CACNG5: variants seen among roughly 807,000 people sequenced by gnomAD.
The protein encoded by CACNG5 is calcium voltage-gated channel auxiliary subunit gamma 5.
A neutral mutation model predicts 24.8 loss-of-function variants in CACNG5; 18 were observed. The observed-to-expected ratio is 0.73, with a 90% CI of 0.50 to 1.08. CACNG5 has a LOEUF of 1.08. CACNG5 is among the 50% of genes least tolerant of loss of function. CACNG5 has a pLI of 0.00. For missense variants in CACNG5, 349 were observed against 367.9 expected, an observed-to-expected ratio of 0.95 and a Z score of 0.42; for synonymous variants, 157 against 149.1, an observed-to-expected ratio of 1.05 and a Z score of -0.39.
rs1454839390 is a variant in CACNG5 at position 66,884,617 on chromosome 17, G to A, written c.526G>A (p.Gly176Arg). The change falls in exon 5 of 6, where the codon GGG becomes AGG. Residue 176 changes from glycine (G) to arginine (R), a missense_variant. By Grantham distance (125) the Gly-to-Arg change is moderately radical. Transcript: ENST00000533854. ...DAETYFNYKY[G>R]WSFAFAAISF... Reference sequence around the variant, plus strand: ...AGAGACCTACTTCAACTACAAGTATGGGTGGTCGTTTGCCTTCGCCGCCAT... The same window carrying A: ...AGAGACCTACTTCAACTACAAGTATAGGTGGTCGTTTGCCTTCGCCGCCAT... 5 of 1,614,134 alleles carry A rather than the reference G, an allele frequency of 3.1e-6. No homozygotes were observed. The highest frequency in any genetic ancestry group is 4.2e-6 in the Non-Finnish European group (5 of 1,180,018).
At position 66,888,804 on chromosome 17, in the gene CACNG5, C is replaced by G. The variant is rs957697032; in HGVS notation, c.*3564C>G. On this transcript the variant is annotated 3_prime_UTR_variant, in exon 6 of 6. Transcript: ENST00000533854. ...AGGTTATCTTGGGGCTGACATCTCT[C>G]TGGTTGGAGGGAAGGTTATCTCGGG... 6.6e-6 allele frequency among the ~76,000 whole-genome samples: 1 copy of G among 151,774 alleles called. No individual in the cohort carries two copies. The highest frequency in any genetic ancestry group is 2.4e-5 in the African/African-American group (1 of 41,318).
Position 66,889,463 on chromosome 17 carries a change from C to T in CACNG5, c.*4223C>T, listed in dbSNP as rs973398823. Among the ~76,000 whole-genome samples, 4 of 152,192 alleles carry T rather than the reference C, an allele frequency of 2.6e-5. No homozygotes were observed. The highest frequency in any genetic ancestry group is 4.8e-5 in the African/African-American group (2 of 41,442). On this transcript the variant is annotated 3_prime_UTR_variant, in exon 6 of 6. Transcript: ENST00000533854. ...GCACCCCTCCTTAATGTTTGAGTAA[C>T]TCTCCCTTCTCCCTAGATACAGGTG...
chr17:66,862,160 G>A (rs906025019), intron 1 of CACNG5, among the ~76,000 whole-genome samples: 11 of 152,112 alleles, frequency 7.2e-5, no homozygotes, highest in Non-Finnish European at 1.6e-4. Flanking sequence ...ATTAATTGGA[G>A]GAGCAGAAAG....
rs1162431381 is a variant in CACNG5 at position 66,886,493 on chromosome 17, C to T, written c.*1253C>T. Among the ~76,000 whole-genome samples, 1 of 152,190 alleles carries T rather than the reference C, an allele frequency of 6.6e-6. No individual in the cohort carries two copies. Among genetic ancestry groups the T allele is most frequent in the African/African-American group, 2.4e-5 (1 of 41,446 alleles). ...TTACCCTCCGTAAGTCCACAGAAGC[C>T]ACTGCAAGCCATGCCCCCCTTCAGC... On this transcript the variant is annotated 3_prime_UTR_variant, in exon 6 of 6. Transcript: ENST00000533854.
At position 66,887,376 on chromosome 17, in the gene CACNG5, A is replaced by T. The variant is rs966108676; in HGVS notation, c.*2136A>T. Among the ~76,000 whole-genome samples the T allele has an allele frequency of 1.6e-5, 2 of 127,020 alleles. No individual in the cohort carries two copies. The highest frequency in any genetic ancestry group is 3.1e-5 in the Non-Finnish European group (2 of 64,538). 83.3% of individuals were successfully genotyped at this position (127,020 alleles called of 152,430 possible). A position where few individuals can be genotyped will look rare whatever the true frequency, so the allele number is the denominator to read the frequency against. ...CTGTTGCTTTTGTATGTGACTTTTCAATCCTTGCCTATAAACTGATAGCAA... is the reference window on the plus strand; with the variant it reads ...CTGTTGCTTTTGTATGTGACTTTTCTATCCTTGCCTATAAACTGATAGCAA... On this transcript the variant is annotated 3_prime_UTR_variant, in exon 6 of 6. Transcript: ENST00000533854.
At position 66,892,179 on chromosome 17, in the gene CACNG5, C is replaced by A. The variant is rs79599428; in HGVS notation, c.*6939C>A. Reference sequence around the variant, plus strand: ...GGTGGAAGCCCCAGGGACCTCCCCCCACTCCTCGCTCTGTCTCAGCCTGCA... The same window carrying A: ...GGTGGAAGCCCCAGGGACCTCCCCCAACTCCTCGCTCTGTCTCAGCCTGCA... On this transcript the variant is annotated 3_prime_UTR_variant, in exon 6 of 6. Transcript: ENST00000533854. Among the ~76,000 whole-genome samples the A allele has an allele frequency of 2.2e-3, 333 of 152,334 alleles. 1 individual carries two copies. The highest frequency in any genetic ancestry group is 0.013 in the East Asian group (68 of 5,170).
chr17:66,867,050 CT>C (rs1228735708), intron 1 of CACNG5, among the ~76,000 whole-genome samples: 2 of 152,198 alleles, frequency 1.3e-5, no homozygotes, highest in African/African-American at 4.8e-5. Context: ...TCCATACTGT[CT>C]TCCAAAATGG....
chr17:66,884,219 GCT>G lies in CACNG5; in HGVS notation c.425-295_425-294del, dbSNP rs1451620546. Among the ~76,000 whole-genome samples, 4 of 152,302 alleles carry G rather than the reference GCT, an allele frequency of 2.6e-5. No individual in the cohort carries two copies. In the East Asian group the frequency reaches 7.7e-4, roughly 29 times the overall value. Reference sequence around the variant, plus strand: ...GTGTATCAGAATGTCCAGAGCTGGGGCTCAGGCCTGTGTGACAGATATGCACA... The same window carrying G: ...GTGTATCAGAATGTCCAGAGCTGGGGCAGGCCTGTGTGACAGATATGCACA... On this transcript the variant is annotated intron_variant, in intron 4 of 5. Coordinates refer to ENST00000533854, the MANE Select transcript of CACNG5 (RefSeq NM_145811.3).
intron 1 of CACNG5, among the ~76,000 whole-genome samples, chr17:66,874,525 A>G (rs1977049620): frequency 2.0e-5 from 3 of 152,206 alleles, no homozygotes; most frequent in Admixed American, 1.3e-4. Flanking sequence ...AGGCTTTATA[A>G]CAACTGTCTC....
rs2286677 is a variant in CACNG5 at position 66,884,671 on chromosome 17, G to A, written c.570+10G>A. 4.1e-3 allele frequency: 6,597 copies of A among 1,614,138 alleles called. 315 individuals carry two copies. The East Asian group carries it at 0.1, about 24-fold the overall frequency. ...CTTCCTTTTAACGGAGGTAAAGCCC[G>A]TCACCCTAAGTATGGATAGGCTGGG... On this transcript the variant is annotated intron_variant, in intron 5 of 5. Coordinates refer to ENST00000533854, the MANE Select transcript of CACNG5 (RefSeq NM_145811.3).
intron 1 of CACNG5, among the ~76,000 whole-genome samples, chr17:66,849,614 G>A (rs1231756431): frequency 2.6e-5 from 4 of 152,148 alleles, no homozygotes; most frequent in African/African-American, 7.2e-5. Flanking sequence ...CATCCCAGAA[G>A]GCACAAAGTT....
chr17:66,863,473 TCTC>T (rs1976891716), intron 1 of CACNG5, among the ~76,000 whole-genome samples: 1 of 151,988 alleles, frequency 6.6e-6, no homozygotes, highest in South Asian at 2.1e-4. Flanking sequence ...TTCAAGCAAT[TCTC>T]CTACCTCAGC....
chr17:66,881,806 T>TG (rs1400916802), intron 4 of CACNG5, among the ~76,000 whole-genome samples: 10 of 110,540 alleles, frequency 9.0e-5, no homozygotes, highest in Non-Finnish European at 1.8e-5. Context: ...GAAGTGAGGT[T>TG]GGGGGTGGGG....
intron 1 of CACNG5, among the ~76,000 whole-genome samples, chr17:66,854,936 A>G (rs1976753830): frequency 6.6e-6 from 1 of 152,226 alleles, no homozygotes; most frequent in Non-Finnish European, 1.5e-5. Context: ...CAATCATAGA[A>G]ATGCCAGTTG....
At chr17:66,836,662 A>C (rs941124024) in intron 1 of CACNG5, among the ~76,000 whole-genome samples, 1 of 152,200 alleles carries the variant, frequency 6.6e-6, no homozygotes, top group Non-Finnish European at 1.5e-5. Context: ...GGTGCCTAAC[A>C]GGGTGAAATC....
At position 66,888,734 on chromosome 17, in the gene CACNG5, T is replaced by G. The variant is rs1163026204; in HGVS notation, c.*3494T>G. 1.3e-5 allele frequency among the ~76,000 whole-genome samples: 2 copies of G among 152,026 alleles called. No individual in the cohort carries two copies. Among genetic ancestry groups the G allele is most frequent in the African/African-American group, 4.8e-5 (2 of 41,406 alleles). On this transcript the variant is annotated 3_prime_UTR_variant, in exon 6 of 6. Coordinates refer to ENST00000533854, the MANE Select transcript of CACNG5 (RefSeq NM_145811.3). ...AGACAGCTTGGAATGTTTCTGTGTG[T>G]GGGAGAAGTTTATGGCAGGGTTGGA...
chr17:66,854,728 T>C (rs1195203310), intron 1 of CACNG5, among the ~76,000 whole-genome samples: 1 of 151,896 alleles, frequency 6.6e-6, no homozygotes, highest in Non-Finnish European at 1.5e-5. Flanking sequence ...AGAAAAACTG[T>C]AGACTGTGCA....
intron 1 of CACNG5, among the ~76,000 whole-genome samples, chr17:66,839,383 C>T (rs1204632095): frequency 6.6e-6 from 1 of 152,044 alleles, no homozygotes; most frequent in Non-Finnish European, 1.5e-5. Context: ...AAAATCAATC[C>T]TGTTTCTTAG....
In CACNG5 at chr17:66,839,938, G is replaced by A. The variant is rs76420253; in HGVS notation, c.-104+4688G>A. 4.5e-4 allele frequency among the ~76,000 whole-genome samples: 68 copies of A among 152,344 alleles called. 1 individual carries two copies. Among genetic ancestry groups the A allele is most frequent in the African/African-American group, 1.5e-3 (62 of 41,588 alleles). ...GTTAAGGAATTCAGGCAGCGCTGTT[G>A]GGGCATGAGTATGGGCAGCCCACTC... On this transcript the variant is annotated intron_variant, in intron 1 of 5. Transcript: ENST00000533854.
Sources: allele counts gnomAD v4.1 joint callset (sites outside exome capture counted in the v4.1 genomes callset), GRCh38; gene constraint gnomAD v4.1.1; transcripts MANE v1.5; gene names NCBI Gene and HGNC (gene_info 2026-07-23, HGNC 2026-07-21).